AP3B1: variants seen among roughly 807,000 people sequenced by gnomAD.
AP3B1 encodes adaptor related protein complex 3 subunit beta 1.
AP3B1 carries 61 observed loss-of-function variants against 132.5 expected under a neutral mutation model. The observed-to-expected ratio is 0.46, with a 90% CI of 0.37 to 0.57. AP3B1 has a LOEUF of 0.57. AP3B1 is among the 20% of genes least tolerant of loss of function. The pLI, the probability that AP3B1 is intolerant of heterozygous loss-of-function variation, is 0.00. For missense variants in AP3B1, 1,120 were observed against 1,289.4 expected (o/e 0.87, Z 2.01); for synonymous variants, 388 against 438.3 (o/e 0.89, Z 1.43).
chr5:78,267,761 C>T (rs1041872748), intron 1 of AP3B1, among the ~76,000 whole-genome samples, 166 bp from the exon 2 acceptor site: 3 of 152,080 alleles, frequency 2.0e-5, no homozygotes, highest in Admixed American at 6.5e-5. Context: ...CAGCAGAAAC[C>T]AAACCCGCCA....
chr5:78,095,808 G>A (rs1335823881), intron 21 of AP3B1, among the ~76,000 whole-genome samples: 3 of 152,160 alleles, frequency 2.0e-5, no homozygotes, highest in African/African-American at 7.2e-5. Context: ...GTTAACAAGA[G>A]AGTTTCAAGT....
At chr5:78,211,944 G>A (rs1050150760) in intron 7 of AP3B1, among the ~76,000 whole-genome samples, 2 of 152,144 alleles carry the variant, frequency 1.3e-5, no homozygotes, top group Non-Finnish European at 2.9e-5. Flanking sequence ...TATAAAATGG[G>A]TATAATAATT....
intron 25 of AP3B1, 59 bp downstream of exon 25, chr5:78,020,633 A>C (rs1249481684): frequency 7.6e-7 from 1 of 1,311,976 alleles, no homozygotes; most frequent in Non-Finnish European, 1.1e-6. Context: ...GAGACTGTAC[A>C]GGAATAAGCA....
chr5:78,074,493 A>G (rs1749678070), intron 22 of AP3B1, among the ~76,000 whole-genome samples: 1 of 152,202 alleles, frequency 6.6e-6, no homozygotes, highest in Non-Finnish European at 1.5e-5. Flanking sequence ...GAACAAATAA[A>G]GGATTTTTCC....
At chr5:78,138,986 A>AC (rs1225174987) in intron 15 of AP3B1, among the ~76,000 whole-genome samples, 1 of 150,588 alleles carries the variant, frequency 6.6e-6, no homozygotes, top group East Asian at 1.9e-4. Context: ...AAAAAAAAAA[A>AC]AAAACACTTC....
intron 11 of AP3B1, among the ~76,000 whole-genome samples, chr5:78,167,231 T>G (rs1743673288): frequency 6.6e-6 from 1 of 151,702 alleles, no homozygotes; most frequent in Non-Finnish European, 1.5e-5. Context: ...AAGAAGCACA[T>G]GGAAAAATGC....
intron 6 of AP3B1, 69 bp downstream of exon 6, chr5:78,225,473 A>G: frequency 2.4e-6 from 2 of 836,236 alleles, no homozygotes; most frequent in East Asian, 5.4e-5. Context: ...TATAAAATAT[A>G]TAATGGTAAA....
At chr5:78,269,093 T>C (rs1268605758) in intron 1 of AP3B1, among the ~76,000 whole-genome samples, 1 of 152,228 alleles carries the variant, frequency 6.6e-6, no homozygotes, top group Non-Finnish European at 1.5e-5. Context: ...GATTCAAATA[T>C]GATCAGTTAA....
chr5:78,213,062 G>A (rs1173715741), intron 7 of AP3B1, among the ~76,000 whole-genome samples: 4 of 151,994 alleles, frequency 2.6e-5, no homozygotes, highest in African/African-American at 9.7e-5. Flanking sequence ...TGTATTTTTA[G>A]TAGAGATGGG....
In AP3B1 at chr5:78,156,370, GA is replaced by G. The variant is rs1188997693; in HGVS notation, c.1364-4del. 1 of 1,575,814 alleles carries G rather than the reference GA, an allele frequency of 6.3e-7. No individual in the cohort carries two copies. Among genetic ancestry groups the G allele is most frequent in the Admixed American group, 1.7e-5 (1 of 59,954 alleles). ...CACACTTTCAGCAACAACTATTTCT[GA>G]AAAAGATAGAAATTATTCATACTAA... On this transcript the variant is annotated splice_polypyrimidine_tract_variant and splice_region_variant and intron_variant, in intron 13 of 26. Transcript: ENST00000255194.
chr5:78,157,899 C>T (rs528387701), intron 13 of AP3B1, among the ~76,000 whole-genome samples: 56 of 152,030 alleles, frequency 3.7e-4, no homozygotes, highest in African/African-American at 1.3e-3. Flanking sequence ...TACAGGCGCG[C>T]GCCACCACGC....
intron 20 of AP3B1, among the ~76,000 whole-genome samples, chr5:78,106,830 T>C (rs1200606356): frequency 6.6e-6 from 1 of 152,176 alleles, no homozygotes; most frequent in East Asian, 1.9e-4. Flanking sequence ...ATGAAAAGAA[T>C]GCTGGTGACA....
intron 21 of AP3B1, among the ~76,000 whole-genome samples, chr5:78,098,305 A>T (rs550730008): frequency 2.6e-4 from 22 of 84,792 alleles, no homozygotes; most frequent in African/African-American, 8.2e-4. Flanking sequence ...AATAAAAAAT[A>T]AAAAAAAAAA....
chr5:78,246,903 G>A (rs1747401362), intron 2 of AP3B1, among the ~76,000 whole-genome samples: 1 of 151,898 alleles, frequency 6.6e-6, no homozygotes, highest in Non-Finnish European at 1.5e-5. Context: ...TGTTAAGGTA[G>A]CTGCTCAGAG....
intron 14 of AP3B1, among the ~76,000 whole-genome samples, chr5:78,148,528 T>C (rs955718337): frequency 6.6e-6 from 1 of 152,220 alleles, no homozygotes; most frequent in Non-Finnish European, 1.5e-5. Flanking sequence ...CCTTTAACAT[T>C]CTTTTATTCT....
At chr5:78,212,869 G>A (rs947002654) in intron 7 of AP3B1, among the ~76,000 whole-genome samples, 2 of 151,954 alleles carry the variant, frequency 1.3e-5, no homozygotes, top group Non-Finnish European at 2.9e-5. Flanking sequence ...GATTTAGTCT[G>A]CCAACTTCTT....
intron 19 of AP3B1, 68 bp from the exon 20 acceptor site, chr5:78,110,422 T>C: frequency 1.6e-6 from 2 of 1,273,110 alleles, no homozygotes; most frequent in Non-Finnish European, 2.2e-6. Flanking sequence ...ATAAAAAAAT[T>C]GTTTTTAAAT....
rs542177187 is a variant in AP3B1, at chr5:78,196,067, G to A, written c.787-14405C>T. ...AATTTAAAACTTTTGCTATGCAAAA[G>A]ACAAGGTCAAAAGAATTTGAAGACA... On this transcript the variant is annotated intron_variant, in intron 7 of 26. Coordinates refer to ENST00000255194, the MANE Select transcript of AP3B1 (RefSeq NM_003664.5). 2.0e-5 allele frequency among the ~76,000 whole-genome samples: 3 copies of A among 152,182 alleles called. No individual in the cohort carries two copies. The East Asian group carries it at 5.8e-4, about 29-fold the overall frequency.
At chr5:78,214,389 A>T (rs1030358729) in intron 7 of AP3B1, among the ~76,000 whole-genome samples, 1 of 152,210 alleles carries the variant, frequency 6.6e-6, no homozygotes, top group Admixed American at 6.5e-5. Flanking sequence ...AAAAACAAAT[A>T]AACAGACAAA....
Sources: gnomAD v4.1 joint callset for allele counts (sites outside exome capture counted in the v4.1 genomes callset) on GRCh38, gnomAD v4.1.1 for gene constraint, MANE v1.5 for transcripts, NCBI Gene and HGNC (gene_info 2026-07-23, HGNC 2026-07-21) for gene names.